Variants in SARNP observed in about 807,000 individuals in gnomAD.
SARNP encodes SAP domain-containing ribonucleoprotein.
In SARNP, 5 loss-of-function variants were observed where a neutral mutation model predicts 38.1. The observed-to-expected ratio is 0.13, with a 90% CI of 0.07 to 0.28. SARNP has a LOEUF of 0.28. Among genes scored for constraint, SARNP ranks in the 10% least tolerant of loss-of-function variants. The probability of loss-of-function intolerance (pLI) is 1.00; values close to 1 mark genes in which losing one functional copy is unlikely to be tolerated. For missense variants in SARNP, 180 were observed against 243.9 expected (o/e 0.74, Z 1.75); for synonymous variants, 84 against 80.6 (o/e 1.04, Z -0.23).
Position 55,800,591 on chromosome 12 carries a change from C to T in SARNP, c.222G>A (p.Glu74=), listed in dbSNP as rs1879951703. The T allele has an allele frequency of 1.2e-6, 2 of 1,612,502 alleles. No homozygotes were observed. Among genetic ancestry groups the T allele is most frequent in the East Asian group, 4.5e-5 (2 of 44,856 alleles). Residue 74 remains glutamate (E), a synonymous_variant, in exon 4 of 11, where the codon GAG becomes GAA. Coordinates refer to ENST00000336133, the MANE Select transcript of SARNP (RefSeq NM_033082.4). The stretch of plus-strand genomic sequence containing the variant: ...CAACAGTTTTTTCAGGGGGTTCTTC[C>T]TCTTTGACAGGGAGCTCAATGGGCT... ...ETKPIELPVK[E]EEPPEKTVDV...
At chr12:55,812,414 G>A (rs1488368275) in intron 1 of SARNP, among the ~76,000 whole-genome samples, 2 of 152,174 alleles carry the variant, frequency 1.3e-5, no homozygotes, top group Non-Finnish European at 2.9e-5. Context: ...ATGAGAGCAA[G>A]GATTTTGTCT....
At chr12:55,806,438 C>A (rs1880146084) in intron 1 of SARNP, among the ~76,000 whole-genome samples, 2 of 151,988 alleles carry the variant, frequency 1.3e-5, no homozygotes, top group African/African-American at 4.8e-5. Context: ...CCATGCCTGG[C>A]TAATTTTTGT....
intron 9 of SARNP, chr12:55,761,901 C>T (rs1356798618): frequency 6.6e-6 from 1 of 152,194 alleles, no homozygotes; most frequent in Non-Finnish European, 1.5e-5. Context: ...TCAAGAGACC[C>T]TCTACTCCCT....
chr12:55,773,992 G>A (rs1261048393), intron 9 of SARNP, among the ~76,000 whole-genome samples: 2 of 152,026 alleles, frequency 1.3e-5, no homozygotes, highest in African/African-American at 4.8e-5. Flanking sequence ...ACAGGCATGA[G>A]CCAATGCACC....
intron 2 of SARNP, 77 bp downstream of exon 2, chr12:55,803,552 A>G: frequency 3.2e-6 from 3 of 927,702 alleles, no homozygotes; most frequent in South Asian, 3.3e-5. Context: ...GACCTGAAAA[A>G]AAAAAAAGAA....
At chr12:55,766,033 A>G (rs1878819761) in intron 9 of SARNP, among the ~76,000 whole-genome samples, 1 of 152,150 alleles carries the variant, frequency 6.6e-6, no homozygotes, top group East Asian at 1.9e-4. Flanking sequence ...ACCTCGATCA[A>G]AACTCATGTC....
At chr12:55,796,131 C>T (rs1333697368) in intron 4 of SARNP, 55 bp from the exon 5 acceptor site, 84 of 1,246,164 alleles carry the variant, frequency 6.7e-5, no homozygotes, top group Non-Finnish European at 9.0e-5. Flanking sequence ...AAACCACAAC[C>T]TCAGAAATGT....
downstream of SARNP, chr12:55,757,265 C>T (rs1878535742): frequency 2.8e-6 from 1 of 360,452 alleles, no homozygotes; most frequent in Non-Finnish European, 5.0e-6. Flanking sequence ...TAATAAAACA[C>T]ATTGTTCTCT....
At chr12:55,817,555 G>A (rs1257487544) in intron 1 of SARNP, 111 bp downstream of exon 1, 2 of 1,012,138 alleles carry the variant, frequency 2.0e-6, no homozygotes, top group South Asian at 1.6e-5. Context: ...CGGGAGCCGA[G>A]AAACGAAGTG....
In SARNP at chr12:55,757,437, T is replaced by G. The variant is rs1878542801; in HGVS notation, c.*75A>C. 1 of 1,312,482 alleles carries G rather than the reference T, an allele frequency of 7.6e-7. No homozygotes were observed. 81.3% of individuals were successfully genotyped at this position (1,312,482 alleles called of 1,614,324 possible). ...AGGACGTAGGCACATGACTGTGCAT[T>G]TAGGCATATATGTGACCAAGAAGAA... On this transcript the variant is annotated 3_prime_UTR_variant, in exon 11 of 11. Transcript: ENST00000336133.
At chr12:55,770,502 G>A (rs1173881462) in intron 9 of SARNP, among the ~76,000 whole-genome samples, 1 of 151,212 alleles carries the variant, frequency 6.6e-6, no homozygotes, top group Non-Finnish European at 1.5e-5. Context: ...GTCTCCCAAA[G>A]TGCTGTGATT....
intron 1 of SARNP, among the ~76,000 whole-genome samples, chr12:55,809,448 A>T (rs1423497893): frequency 6.6e-6 from 1 of 151,852 alleles, no homozygotes; most frequent in East Asian, 1.9e-4. Context: ...TGTCCCAAGA[A>T]GAAAATAAAC....
At chr12:55,773,038 G>A (rs1424935272) in intron 9 of SARNP, among the ~76,000 whole-genome samples, 1 of 152,182 alleles carries the variant, frequency 6.6e-6, no homozygotes, top group Admixed American at 6.5e-5. Context: ...CTTTTCAGGA[G>A]ACGTGAATGC....
At chr12:55,766,244 CTG>C (rs748070332) in intron 9 of SARNP, among the ~76,000 whole-genome samples, 8 of 152,158 alleles carry the variant, frequency 5.3e-5, no homozygotes, top group Non-Finnish European at 8.8e-5. Context: ...ATGCATACTC[CTG>C]TGTGAGAAGA....
At chr12:55,760,154 C>G (rs1878630360) in intron 10 of SARNP, among the ~76,000 whole-genome samples, 1 of 152,156 alleles carries the variant, frequency 6.6e-6, no homozygotes, top group African/African-American at 2.4e-5. Flanking sequence ...GTTGCCACTT[C>G]ACCCAGAAAA....
chr12:55,802,943 A>C (rs1168838951), intron 2 of SARNP, among the ~76,000 whole-genome samples: 1 of 151,706 alleles, frequency 6.6e-6, no homozygotes, highest in Non-Finnish European at 1.5e-5. Flanking sequence ...AAAAAACACA[A>C]TACTTAGTGA....
chr12:55,792,903 T>G (rs1879715241), intron 7 of SARNP: 1 of 152,146 alleles, frequency 6.6e-6, no homozygotes, highest in Non-Finnish European at 1.5e-5. Flanking sequence ...CAAGCTAGTT[T>G]CCAACTCCTG....
intron 9 of SARNP, among the ~76,000 whole-genome samples, chr12:55,778,415 G>GA (rs1410871272): frequency 6.6e-6 from 1 of 152,170 alleles, no homozygotes; most frequent in Non-Finnish European, 1.5e-5. Flanking sequence ...TCAAAGTGCT[G>GA]AGATTACAAG....
chr12:55,813,077 CT>C (rs1303211844), intron 1 of SARNP, among the ~76,000 whole-genome samples: 1 of 152,068 alleles, frequency 6.6e-6, no homozygotes, highest in Non-Finnish European at 1.5e-5. Flanking sequence ...TCCCGAGTAG[CT>C]GGGATTACAA....
Sources: gnomAD v4.1 joint callset for allele counts (sites outside exome capture counted in the v4.1 genomes callset) on GRCh38, gnomAD v4.1.1 for gene constraint, MANE v1.5 for transcripts, NCBI Gene and HGNC (gene_info 2026-07-23, HGNC 2026-07-21) for gene names.